ZC3HAV1: variants seen among roughly 807,000 people sequenced by gnomAD.
ZC3HAV1 encodes zinc finger CCCH-type antiviral protein 1.
Under a neutral mutation model 86.6 loss-of-function variants are expected in ZC3HAV1, and 41 were observed. That is an observed-to-expected ratio of 0.47 (90% confidence interval 0.37 to 0.61). The LOEUF (loss-of-function observed/expected upper bound fraction) is 0.61. ZC3HAV1 is among the 20% of genes least tolerant of loss of function. The pLI is 0.00. For missense variants in ZC3HAV1, 964 were observed against 1,141.1 expected (o/e 0.84, Z 2.24); for synonymous variants, 421 against 432.1 (o/e 0.97, Z 0.32).
chr7:139,088,736 C>T (rs1817346932), intron 2 of ZC3HAV1, among the ~76,000 whole-genome samples: 1 of 152,216 alleles, frequency 6.6e-6, no homozygotes, highest in Admixed American at 6.5e-5. Context: ...TCTGCTGCAA[C>T]TACTCAACTC....
At chr7:139,080,344 C>G in intron 3 of ZC3HAV1, 101 bp from the exon 4 acceptor site, 1 of 1,412,908 alleles carries the variant, frequency 7.1e-7, no homozygotes, top group Non-Finnish European at 9.8e-7. Context: ...TGTAGCTTTG[C>G]TATCCAAGTG....
At chr7:139,099,515 G>A (rs1563141409) in intron 1 of ZC3HAV1, among the ~76,000 whole-genome samples, 1 of 152,250 alleles carries the variant, frequency 6.6e-6, no homozygotes, top group Non-Finnish European at 1.5e-5. Flanking sequence ...GTAGGTTAGA[G>A]ATCGCCAGGG....
rs373726069 is a variant in ZC3HAV1 at position 139,083,203 on chromosome 7, GTTAA to G, written c.697+573_697+576del. On this transcript the variant is annotated intron_variant, in intron 3 of 12. Coordinates refer to ENST00000242351, the MANE Select transcript of ZC3HAV1 (RefSeq NM_020119.4). ...TTTCTTTTCCTTAAAAAAAAGCTTT[GTTAA>G]TTAGTTTTTAGAAAAATGATATACA... Among the ~76,000 whole-genome samples the G allele has an allele frequency of 4.9e-3, 693 of 141,028 alleles. 4 individuals are homozygous for G. The highest frequency in any genetic ancestry group is 0.017 in the African/African-American group (665 of 39,350). The allele number at this position is 141,028 out of a possible 152,430, so 92.5% of individuals were successfully genotyped here.
intron 5 of ZC3HAV1, among the ~76,000 whole-genome samples, chr7:139,077,620 C>T (rs1470181446): frequency 6.6e-6 from 1 of 152,122 alleles, no homozygotes; most frequent in Non-Finnish European, 1.5e-5. Context: ...TAGCTTACAT[C>T]CCCCTTACAT....
Position 139,109,048 on chromosome 7 carries a change from C to T in ZC3HAV1, c.284G>A (p.Arg95Gln), listed in dbSNP as rs758676794. Residue 95 changes from arginine to glutamine, a missense_variant, in exon 1 of 13, where the codon CGG becomes CAG. By Grantham distance (43) the Arg-to-Gln change is conservative. Coordinates refer to ENST00000242351, the MANE Select transcript of ZC3HAV1 (RefSeq NM_020119.4). ...CCGCTCGGACTGCGAATAGTTGCAC[C>T]GGCCCAGCAAGTTGAGTTTGCAGAG... The part of the protein sequence containing the change: ...LHLCKLNLLG[R>Q]CNYSQSERNL... 1.3e-6 allele frequency: 2 copies of T among 1,578,774 alleles called. No individual in the cohort carries two copies. The highest frequency in any genetic ancestry group is 8.6e-7 in the Non-Finnish European group (1 of 1,159,006).
intron 6 of ZC3HAV1, among the ~76,000 whole-genome samples, chr7:139,074,255 T>A (rs1272108256): frequency 6.6e-6 from 1 of 152,142 alleles, no homozygotes; most frequent in East Asian, 1.9e-4. Context: ...AATGTATTCT[T>A]CCCTCAGAAA....
chr7:139,050,133 T>A (rs1392358003), intron 12 of ZC3HAV1: 1 of 152,246 alleles, frequency 6.6e-6, no homozygotes, highest in Non-Finnish European at 1.5e-5. Context: ...ATATCAGATG[T>A]ATGGCTTGCA....
intron 7 of ZC3HAV1, among the ~76,000 whole-genome samples, chr7:139,071,983 A>G (rs1816787110): frequency 6.6e-6 from 1 of 152,206 alleles, no homozygotes; most frequent in African/African-American, 2.4e-5. Flanking sequence ...CCTCACTAAC[A>G]TAACAGAGTA....
At chr7:139,089,591 T>C (rs780787301) in intron 2 of ZC3HAV1, 33 bp downstream of exon 2, 1 of 1,567,370 alleles carries the variant, frequency 6.4e-7, no homozygotes, top group Admixed American at 2.0e-5. Flanking sequence ...CCAGTAATAT[T>C]CTCCCTCCTT....
chr7:139,076,163 A>G (rs1218373483), intron 6 of ZC3HAV1, 123 bp downstream of exon 6: 6 of 1,464,834 alleles, frequency 4.1e-6, no homozygotes, highest in African/African-American at 1.4e-5. Context: ...CTCAAGAGGT[A>G]TTTCACACTC....
chr7:139,077,658 G>A (rs1157736984), intron 5 of ZC3HAV1, among the ~76,000 whole-genome samples: 1 of 152,240 alleles, frequency 6.6e-6, no homozygotes, highest in Non-Finnish European at 1.5e-5. Context: ...GCATACAAAA[G>A]ACAGCCATTG....
rs1197384524 is a variant in ZC3HAV1, at chr7:139,047,610, G to C, written c.2693C>G (p.Ala898Gly). 1 of 1,614,036 alleles carries C rather than the reference G, an allele frequency of 6.2e-7. No individual in the cohort carries two copies. The highest frequency in any genetic ancestry group is 8.5e-7 in the Non-Finnish European group (1 of 1,180,008). Residue 898 changes from alanine (A) to glycine (G), a missense_variant, in exon 13 of 13, where the codon GCC (alanine) becomes GGC (glycine). Ala to Gly is a moderately conservative substitution (Grantham distance 60, BLOSUM62 0). Coordinates refer to ENST00000242351, the MANE Select transcript of ZC3HAV1 (RefSeq NM_020119.4). ...TCATCGGTTCTAACTAATCACGCAG[G>C]CTTTGTCTTCAGTATATTCAATCAC... ...QYVIEYTEDK[A>G]CVIS
intron 1 of ZC3HAV1, among the ~76,000 whole-genome samples, chr7:139,102,254 C>T (rs1274729490): frequency 6.6e-6 from 1 of 152,128 alleles, no homozygotes. Context: ...CCGCCTCAGC[C>T]TCCTGAGTAA....
chr7:139,066,879 C>G (rs534346774), intron 7 of ZC3HAV1, among the ~76,000 whole-genome samples: 11 of 152,284 alleles, frequency 7.2e-5, no homozygotes, highest in African/African-American at 2.2e-4. Context: ...CGGAGACTTT[C>G]AAACATTGAC....
rs144346512 is a variant in ZC3HAV1, at chr7:139,073,999, G to A, written c.1729C>T (p.Arg577Trp). 292 of 1,613,254 alleles carry A rather than the reference G, an allele frequency of 1.8e-4. 2 individuals are homozygous for A. The African/African-American group carries it at 3.5e-3, about 20-fold the overall frequency. The part of the protein sequence containing the change: ...CSVGSYTINF[R>W]VMSCDSFPIR... ...GGAAAGGAATCACAACTCATTACCC[G>A]AAAATTGATTGTATAACTTCCTACA... The change falls in exon 7 of 13, where the codon CGG becomes TGG. Residue 577 changes from arginine to tryptophan, a missense_variant. Transcript: ENST00000242351.
At chr7:139,065,151 C>T in intron 7 of ZC3HAV1, 152 bp from the exon 8 acceptor site, 1 of 1,013,452 alleles carries the variant, frequency 9.9e-7, no homozygotes, top group Admixed American at 2.7e-5. Flanking sequence ...GGCTATGTCA[C>T]AGACTTCTGT....
chr7:139,101,489 G>GCCA (rs1345001625), intron 1 of ZC3HAV1, among the ~76,000 whole-genome samples: 13 of 108,156 alleles, frequency 1.2e-4, no homozygotes, highest in African/African-American at 4.4e-4. Context: ...CCTCAGCCCG[G>GCCA]CCACCACCCC....
At chr7:139,053,110 A>C (rs1243056063) in intron 12 of ZC3HAV1, among the ~76,000 whole-genome samples, 1 of 152,164 alleles carries the variant, frequency 6.6e-6, no homozygotes, top group Non-Finnish European at 1.5e-5. Context: ...ATAGCTTCGC[A>C]GGCATGGACA....
chr7:139,073,876 A>G lies in ZC3HAV1; in HGVS notation c.1852T>C (p.Trp618Arg). The G allele has an allele frequency of 1.2e-6, 2 of 1,612,984 alleles. No homozygotes were observed. Among genetic ancestry groups the G allele is most frequent in the Non-Finnish European group, 1.7e-6 (2 of 1,179,244 alleles). Residue 618 changes from tryptophan to arginine, a missense_variant, in exon 7 of 13, where the codon TGG becomes CGG. Physicochemically the swap from Trp to Arg is moderately radical, Grantham distance 101. Coordinates refer to ENST00000242351, the MANE Select transcript of ZC3HAV1 (RefSeq NM_020119.4). ...CTCACCTCTTCTCCATACTGAATCC[A>G]TGTGCCAGATTCATTCTTCCAATAC... ...IWYWKNESGT[W>R]IQYGEEKDKR...
Sources: gnomAD v4.1 joint callset for allele counts (sites outside exome capture counted in the v4.1 genomes callset) on GRCh38, gnomAD v4.1.1 for gene constraint, MANE v1.5 for transcripts, NCBI Gene and HGNC (gene_info 2026-07-23, HGNC 2026-07-21) for gene names.